PRRG1: variants seen among roughly 807,000 people sequenced by gnomAD.
The protein encoded by PRRG1 is transmembrane gamma-carboxyglutamic acid protein 1.
PRRG1 carries 5 observed loss-of-function variants against 11.8 expected under a neutral mutation model. The ratio of observed to expected loss-of-function variants is 0.42; its 90% CI spans 0.22 to 0.89. The LOEUF is 0.89. PRRG1 is among the 40% of genes least tolerant of loss of function. PRRG1 has a pLI of 0.28. For synonymous variants in PRRG1, 66 were observed against 60.4 expected (o/e 1.09, Z -0.43); for missense variants, 155 against 166.1 (o/e 0.93, Z 0.37).
chrX:37,426,097 T>G (rs1932769556), intron 3 of PRRG1, 97 bp downstream of exon 3: 1 of 928,972 alleles, frequency 1.1e-6, no homozygotes, highest in Non-Finnish European at 1.4e-6. Context: ...TTGCTAGCAA[T>G]TAAAAATTCC....
chrX:37,358,302 A>G (rs1930307050), intron 1 of PRRG1, among the ~76,000 whole-genome samples: 1 of 111,882 alleles, frequency 8.9e-6, no homozygotes, highest in African/African-American at 3.2e-5. Flanking sequence ...TGGTGTTATA[A>G]CTAAAACTCA....
At chrX:37,405,922 G>A (rs914319918) in intron 1 of PRRG1, among the ~76,000 whole-genome samples, 1 of 111,689 alleles carries the variant, frequency 9.0e-6, no homozygotes, top group Non-Finnish European at 1.9e-5. Flanking sequence ...AGAGATAAGT[G>A]TGTGACCAAT....
chrX:37,359,057 G>C (rs782619828), intron 1 of PRRG1, among the ~76,000 whole-genome samples: 1 of 111,846 alleles, frequency 8.9e-6, no homozygotes, highest in South Asian at 3.7e-4. Context: ...TTTCTACATA[G>C]ACAATCATGT....
At chrX:37,393,184 C>T (rs1931598781) in intron 1 of PRRG1, among the ~76,000 whole-genome samples, 1 of 110,472 alleles carries the variant, frequency 9.1e-6, no homozygotes, top group African/African-American at 3.3e-5. Flanking sequence ...ATGCTCTTCC[C>T]TAGTGTATAT....
rs1380981451 is a variant in PRRG1 at position 37,454,780 on chromosome X, T to TA, written c.*1160dup. The TA allele has an allele frequency of 8.9e-6, 1 of 111,962 alleles. No individual in the cohort carries two copies. Among genetic ancestry groups the TA allele is most frequent in the Non-Finnish European group, 1.9e-5 (1 of 53,246 alleles). The allele number at this position is 111,962 out of a possible 1,213,427, so 9.2% of individuals were successfully genotyped here. ...CCCACACAGATCTCATCATTGTTGC[T>TA]ACTTCCTTTTGTATTTTCATCAGGT... is the stretch of plus-strand genomic sequence containing the variant. On this transcript the variant is annotated 3_prime_UTR_variant, in exon 4 of 4. Coordinates refer to ENST00000378628, the MANE Select transcript of PRRG1 (RefSeq NM_001142395.2).
chrX:37,368,819 C>CT (rs1324723423), intron 1 of PRRG1, among the ~76,000 whole-genome samples: 1 of 109,454 alleles, frequency 9.1e-6, no homozygotes, highest in Admixed American at 9.7e-5. Context: ...TCTAGCTATT[C>CT]TTTTTTTTGT....
At chrX:37,383,334 T>G (rs1215022373) in intron 1 of PRRG1, among the ~76,000 whole-genome samples, 2 of 110,000 alleles carry the variant, frequency 1.8e-5, no homozygotes, top group African/African-American at 7.0e-5. Flanking sequence ...TAGAAAGTCT[T>G]TATTGAACAT....
intron 1 of PRRG1, among the ~76,000 whole-genome samples, chrX:37,371,453 G>A (rs1398799833): frequency 8.9e-6 from 1 of 112,605 alleles, no homozygotes; most frequent in African/African-American, 3.2e-5. Flanking sequence ...AGGGCAAAAA[G>A]AGCTGTAACA....
Position 37,422,877 on chromosome X carries a change from G to A in PRRG1, c.11-2963G>A, listed in dbSNP as rs1410021905. On this transcript the variant is annotated intron_variant, in intron 2 of 3. Coordinates refer to ENST00000378628, the MANE Select transcript of PRRG1 (RefSeq NM_001142395.2). The stretch of plus-strand genomic sequence containing the variant: ...GCACTGCTAGTCATATAACAGTATA[G>A]TACATACAATTATATATATTGTATG... Among the ~76,000 whole-genome samples, 6 of 111,352 alleles carry A rather than the reference G, an allele frequency of 5.4e-5. No individual in the cohort carries two copies. In the Admixed American group the frequency reaches 5.7e-4, roughly 11 times the overall value.
In PRRG1 at chrX:37,428,525, A is replaced by G. The variant is rs182883855; in HGVS notation, c.171+2525A>G. On this transcript the variant is annotated intron_variant, in intron 3 of 3. Transcript: ENST00000378628. ...ATTATGTCCTTTGACTCCATGCCTCATGTCCAGGTCACACTGATGCAAGGG... is the reference window on the plus strand; with the variant it reads ...ATTATGTCCTTTGACTCCATGCCTCGTGTCCAGGTCACACTGATGCAAGGG... Among the ~76,000 whole-genome samples, 10 of 112,183 alleles carry G rather than the reference A, an allele frequency of 8.9e-5. No individual in the cohort carries two copies. The East Asian group carries it at 2.5e-3, about 29-fold the overall frequency.
rs143734359 is a variant in PRRG1, at chrX:37,453,204, G to C, written c.240G>C (p.Gln80His). Residue 80 changes from glutamine to histidine, a missense_variant, in exon 4 of 4, where the codon CAG becomes CAC. Transcript: ENST00000378628. ...GESNRGSDWF[Q>H]FYLTFPLIFG... ...GTAACCGAGGAAGTGACTGGTTTCA[G>C]TTTTACCTTACCTTTCCGTTAATCT... The C allele has an allele frequency of 8.3e-7, 1 of 1,210,135 alleles. No homozygotes were observed. The highest frequency in any genetic ancestry group is 3.0e-5 in the East Asian group (1 of 33,849).
At position 37,420,683 on chromosome X, in the gene PRRG1, A is replaced by G. The variant is rs1249924253; in HGVS notation, c.11-5157A>G. ...CCCGTCTATGCAAAAAAAAAAAAAAAAAAAGAAAAGAAAGAAAAAAGAAAA... is the reference window on the plus strand; with the variant it reads ...CCCGTCTATGCAAAAAAAAAAAAAAGAAAAGAAAAGAAAGAAAAAAGAAAA... On this transcript the variant is annotated intron_variant, in intron 2 of 3. Transcript: ENST00000378628. Among the ~76,000 whole-genome samples, 10 of 105,572 alleles carry G rather than the reference A, an allele frequency of 9.5e-5. No homozygotes were observed. In the East Asian group the frequency reaches 2.6e-3, roughly 27 times the overall value. The allele number at this position is 105,572 out of a possible 115,157, so 91.7% of individuals were successfully genotyped here.
chrX:37,442,070 C>T, intron 3 of PRRG1: 1 of 769,010 alleles, frequency 1.3e-6, no homozygotes, highest in African/African-American at 2.3e-5. Flanking sequence ...GAGGAAGACA[C>T]CTGAGCCAAG....
intron 2 of PRRG1, among the ~76,000 whole-genome samples, chrX:37,413,997 G>C (rs1023516759): frequency 2.8e-4 from 31 of 111,712 alleles, no homozygotes; most frequent in African/African-American, 1.0e-3. Context: ...GTGTATAGTA[G>C]GTTATGCCAT....
intron 1 of PRRG1, among the ~76,000 whole-genome samples, chrX:37,354,483 C>T (rs1930175064): frequency 9.2e-6 from 1 of 108,236 alleles, no homozygotes; most frequent in Admixed American, 9.8e-5. Context: ...AGCTCTGCCT[C>T]CTGGGTTCAC....
intron 1 of PRRG1, among the ~76,000 whole-genome samples, chrX:37,357,103 C>T (rs782079026): frequency 8.9e-6 from 1 of 111,906 alleles, no homozygotes; most frequent in East Asian, 2.8e-4. Flanking sequence ...ACCCACTGAT[C>T]CTTCTACTGT....
chrX:37,408,161 A>G (rs1254551392), intron 2 of PRRG1, among the ~76,000 whole-genome samples: 7 of 111,930 alleles, frequency 6.3e-5, no homozygotes, highest in African/African-American at 9.7e-5. Context: ...TACGGCTCCA[A>G]TGACTGGGGG....
rs1213665118 is a variant in PRRG1 at position 37,368,731 on chromosome X, G to GT, written c.-42+19342dup. Among the ~76,000 whole-genome samples, 4 of 110,123 alleles carry GT rather than the reference G, an allele frequency of 3.6e-5. No homozygotes were observed. In the South Asian group the frequency reaches 1.5e-3, roughly 42 times the overall value. On this transcript the variant is annotated intron_variant, in intron 1 of 3. Transcript: ENST00000378628. ...TTTTTATTTTCTACATGCCTCTTCT[G>GT]TTTTTTCTTCCTCTTTTCCAGCTTT...
In PRRG1 at chrX:37,440,372, G is replaced by A. The variant is rs1275242982; in HGVS notation, c.172-12764G>A. Among the ~76,000 whole-genome samples the A allele has an allele frequency of 3.6e-5, 4 of 111,909 alleles. No homozygotes were observed. In the South Asian group the frequency reaches 1.1e-3, roughly 31 times the overall value. ...ATATAATTAGGCCGATTTGGGAGGAGTATAGGAGGAGGCTGATTTCCTGTT... is the reference window on the plus strand; with the variant it reads ...ATATAATTAGGCCGATTTGGGAGGAATATAGGAGGAGGCTGATTTCCTGTT... On this transcript the variant is annotated intron_variant, in intron 3 of 3. Transcript: ENST00000378628.
Sources: allele counts gnomAD v4.1 joint callset (sites outside exome capture counted in the v4.1 genomes callset), GRCh38; gene constraint gnomAD v4.1.1; transcripts MANE v1.5; gene names NCBI Gene and HGNC (gene_info 2026-07-23, HGNC 2026-07-21).